The following EXOG variants were observed in gnomAD, a reference collection of about 807,000 sequenced individuals.
EXOG encodes the protein nuclease EXOG, mitochondrial.
Under a neutral mutation model 25.8 loss-of-function variants are expected in EXOG, and 27 were observed. The observed-to-expected ratio is 1.05, with a 90% CI of 0.77 to 1.45. The LOEUF is 1.45. EXOG is among the 40% of genes most tolerant of loss of function. The pLI is 0.00. For synonymous variants in EXOG, 133 were observed against 167.0 expected (o/e 0.80, Z 1.57); for missense variants, 458 against 450.5 (o/e 1.02, Z -0.15).
chr3:38,496,820 T>C, intron 1 of EXOG: 6 of 1,401,342 alleles, frequency 4.3e-6, no homozygotes, highest in Non-Finnish European at 5.7e-6. Context: ...ATCTATGTTT[T>C]AATGTCTGTG....
intron 5 of EXOG, among the ~76,000 whole-genome samples, chr3:38,521,496 C>T (rs138225660): frequency 2.9e-4 from 44 of 152,230 alleles, no homozygotes; most frequent in Non-Finnish European, 1.0e-4. Context: ...TGAAAATTGC[C>T]GTTTGTTTGT....
At position 38,525,282 on chromosome 3, in the gene EXOG, C is replaced by A. The variant is rs2125811530; in HGVS notation, c.*920C>A. 1.0e-6 allele frequency: 1 copy of A among 985,354 alleles called. No homozygotes were observed. Among genetic ancestry groups the A allele is most frequent in the East Asian group, 1.1e-4 (1 of 8,814 alleles). The allele number at this position is 985,354 out of a possible 1,614,324, so 61.0% of individuals were successfully genotyped here. On this transcript the variant is annotated 3_prime_UTR_variant, in exon 6 of 6. Transcript: ENST00000287675. ...TCCACAAAGTATGAGGCAGACAGAT[C>A]TAAGAGAAGAAAGACAGCTGAGGTA... is the stretch of plus-strand genomic sequence containing the variant.
intron 5 of EXOG, chr3:38,523,114 G>C (rs536510389): frequency 1.2e-6 from 1 of 852,442 alleles, no homozygotes; most frequent in South Asian, 1.4e-5. Context: ...CTTCTCTAAG[G>C]GCTATCTGTT....
At chr3:38,504,812 T>G (rs1203338935) in intron 4 of EXOG, among the ~76,000 whole-genome samples, 1 of 152,194 alleles carries the variant, frequency 6.6e-6, no homozygotes, top group African/African-American at 2.4e-5. Context: ...GTCAGGTGGC[T>G]TCTTTATGCA....
intron 5 of EXOG, among the ~76,000 whole-genome samples, chr3:38,518,161 A>G (rs1193357902): frequency 1.3e-5 from 2 of 152,182 alleles, no homozygotes; most frequent in Non-Finnish European, 2.9e-5. Flanking sequence ...TGGGAGGTCT[A>G]CCTAGGCAAG....
chr3:38,523,600 T>C (rs2060789936), intron 5 of EXOG, among the ~76,000 whole-genome samples: 1 of 152,168 alleles, frequency 6.6e-6, no homozygotes, highest in African/African-American at 2.4e-5. Context: ...ACTCCTGACC[T>C]CAAGTGATCT....
In EXOG at chr3:38,497,643, G is replaced by C. The variant is rs764753657; in HGVS notation, c.178G>C (p.Ala60Pro). 6.4e-7 allele frequency: 1 copy of C among 1,570,434 alleles called. No individual in the cohort carries two copies. Among genetic ancestry groups the C allele is most frequent in the South Asian group, 1.2e-5 (1 of 83,356 alleles). ...TTCATTTTTAGGATCTGCAGAAAAG[G>C]CTGTCTTGGAACAATTTGGATTCCC... Reference protein sequence around the residue: ...GKQPDGSAEKAVLEQFGFPLT... With the variant: ...GKQPDGSAEKPVLEQFGFPLT... Residue 60 changes from alanine to proline, a missense_variant, in exon 2 of 6, where the codon GCT becomes CCT. Ala to Pro is a conservative substitution (Grantham distance 27). This residue lies in a region of EXOG where 275 missense variants were observed against 230.5 expected (regional missense o/e 1.19). Coordinates refer to ENST00000287675, the MANE Select transcript of EXOG (RefSeq NM_005107.4).
At chr3:38,514,015 G>C (rs2060454146) in intron 5 of EXOG, 1 of 152,320 alleles carries the variant, frequency 6.6e-6, no homozygotes. Context: ...TAGAGCGAGT[G>C]CAAGACACGG....
chr3:38,525,301 T>C lies in EXOG; in HGVS notation c.*939T>C. 1.0e-6 allele frequency: 1 copy of C among 985,210 alleles called. No homozygotes were observed. Among genetic ancestry groups the C allele is most frequent in the Non-Finnish European group, 1.2e-6 (1 of 829,706 alleles). 61.0% of individuals were successfully genotyped at this position (985,210 alleles called of 1,614,324 possible). ...ACAGATCTAAGAGAAGAAAGACAGCTGAGGTAGATTCAAATCTTTTCTGAC... is the reference window on the plus strand; with the variant it reads ...ACAGATCTAAGAGAAGAAAGACAGCCGAGGTAGATTCAAATCTTTTCTGAC... On this transcript the variant is annotated 3_prime_UTR_variant, in exon 6 of 6. Transcript: ENST00000287675.
chr3:38,508,526 C>A (rs1416997326), intron 5 of EXOG, among the ~76,000 whole-genome samples: 1 of 151,970 alleles, frequency 6.6e-6, no homozygotes, highest in Non-Finnish European at 1.5e-5. Flanking sequence ...TGGAGTGAAG[C>A]AGAAGAGGTG....
At position 38,524,192 on chromosome 3, in the gene EXOG, A is replaced by T; in HGVS notation, c.937A>T (p.Thr313Ser). ...CCAGGAGTTCACCTTGTACTTGAGTACAAGAAAGATTGAAGGAGCCCGATC... is the reference window on the plus strand; with the variant it reads ...CCAGGAGTTCACCTTGTACTTGAGTTCAAGAAAGATTGAAGGAGCCCGATC... ...DFQEFTLYLS[T>S]RKIEGARSVL... The change falls in exon 6 of 6, where the codon ACA becomes TCA. Residue 313 changes from threonine (T) to serine (S), a missense_variant. Thr to Ser is a moderately conservative substitution (Grantham distance 58). Around this residue, in one of 3 missense-constraint regions of EXOG, gnomAD observed 178 missense variants for 203.7 expected, o/e 0.87. Transcript: ENST00000287675. 6.2e-7 allele frequency: 1 copy of T among 1,614,208 alleles called. No homozygotes were observed. Among genetic ancestry groups the T allele is most frequent in the African/African-American group, 1.3e-5 (1 of 75,062 alleles).
chr3:38,511,687 G>T (rs1296938104), intron 5 of EXOG, among the ~76,000 whole-genome samples: 1 of 152,168 alleles, frequency 6.6e-6, no homozygotes, highest in Non-Finnish European at 1.5e-5. Context: ...AAGGCAGGGT[G>T]GTTATAGTTG....
At chr3:38,518,959 T>C (rs1277523235) in intron 5 of EXOG, among the ~76,000 whole-genome samples, 3 of 152,216 alleles carry the variant, frequency 2.0e-5, no homozygotes, top group African/African-American at 7.2e-5. Flanking sequence ...CGCTCAAGTT[T>C]ATAGTAAATG....
intron 4 of EXOG, among the ~76,000 whole-genome samples, chr3:38,504,428 TTTTTTTGTTTG>T (rs1297850984): frequency 6.6e-6 from 1 of 151,992 alleles, no homozygotes; most frequent in African/African-American, 2.4e-5. Flanking sequence ...TATTAACCAG[TTTTTTTGTTTG>T]TTTTTTGTTT....
At chr3:38,523,259 G>A in intron 5 of EXOG, 1 of 1,286,182 alleles carries the variant, frequency 7.8e-7, no homozygotes, top group Non-Finnish European at 1.0e-6. Context: ...GAAAATGACA[G>A]CTTTTCTTGT....
Position 38,507,079 on chromosome 3 carries a change from C to T in EXOG, c.645+111C>T. On this transcript the variant is annotated intron_variant, in intron 5 of 5. Coordinates refer to ENST00000287675, the MANE Select transcript of EXOG (RefSeq NM_005107.4). Reference sequence around the variant, plus strand: ...CATTCAAAAAAAATTTTGCATTCTACTTTTTAATTTCACTTATTCAACAAT... The same window carrying T: ...CATTCAAAAAAAATTTTGCATTCTATTTTTTAATTTCACTTATTCAACAAT... The T allele has an allele frequency of 1.7e-5, 9 of 517,254 alleles. No individual in the cohort carries two copies. In the South Asian group the frequency reaches 2.2e-4, roughly 13 times the overall value. The allele number at this position is 517,254 out of a possible 1,614,324, so 32.0% of individuals were successfully genotyped here.
At chr3:38,496,732 T>A (rs2059901216) in intron 1 of EXOG, 6 of 1,439,736 alleles carry the variant, frequency 4.2e-6, no homozygotes, top group Non-Finnish European at 5.5e-6. Flanking sequence ...ATGTCCTTCC[T>A]TCCCCCGGGC....
rs944836334 is a variant in EXOG at position 38,496,998 on chromosome 3, A to G, written c.163+468A>G. ...ATGAGTTAACTGCCCTTCTTTCGTC[A>G]TTGTTCAGTTGAAGAATACCTGCTA... On this transcript the variant is annotated intron_variant, in intron 1 of 5. Transcript: ENST00000287675. 2.9e-6 allele frequency: 3 copies of G among 1,048,354 alleles called. No individual in the cohort carries two copies. The African/African-American group carries it at 5.2e-5, about 18-fold the overall frequency. 64.9% of individuals were successfully genotyped at this position (1,048,354 alleles called of 1,614,324 possible).
rs544337024 is a variant in EXOG at position 38,496,773 on chromosome 3, C to T, written c.163+243C>T. The T allele has an allele frequency of 4.8e-5, 71 of 1,464,262 alleles. 1 individual carries two copies. In the South Asian group the frequency reaches 8.8e-4, roughly 18 times the overall value. The allele number at this position is 1,464,262 out of a possible 1,614,324, so 90.7% of individuals were successfully genotyped here. The stretch of plus-strand genomic sequence containing the variant: ...CGTTTTCTGCACAGAACCACCCCCG[C>T]CGCCCGACTTTCTTCCCCCCAGTTA... On this transcript the variant is annotated intron_variant, in intron 1 of 5. Coordinates refer to ENST00000287675, the MANE Select transcript of EXOG (RefSeq NM_005107.4).
Sources: gnomAD v4.1 joint callset for allele counts (sites outside exome capture counted in the v4.1 genomes callset) on GRCh38, gnomAD v4.1.1 for gene constraint, gnomAD v4.1.1 regional missense constraint, MANE v1.5 for transcripts, NCBI Gene and HGNC (gene_info 2026-07-23, HGNC 2026-07-21) for gene names.